Variants in SULF1 observed in about 807,000 individuals in gnomAD.
SULF1 encodes extracellular sulfatase Sulf-1.
In SULF1, 46 loss-of-function variants were observed where a neutral mutation model predicts 110.5. The ratio of observed to expected loss-of-function variants is 0.42; its 90% CI spans 0.33 to 0.53. The LOEUF is 0.53. SULF1 is among the 20% of genes least tolerant of loss of function. The probability of loss-of-function intolerance (pLI) is 0.12; values close to 1 mark genes in which losing one functional copy is unlikely to be tolerated. For synonymous variants in SULF1, 371 were observed against 387.1 expected (o/e 0.96, Z 0.49); for missense variants, 941 against 1,094.2 (o/e 0.86, Z 1.98).
rs370128603 is a variant in SULF1, at chr8:69,576,124, C to G, written c.327C>G (p.Asn109Lys). 6.2e-7 allele frequency: 1 copy of G among 1,614,230 alleles called. No individual in the cohort carries two copies. Among genetic ancestry groups the G allele is most frequent in the Admixed American group, 1.7e-5 (1 of 60,034 alleles). Residue 109 changes from asparagine (N) to lysine (K), a missense_variant, in exon 6 of 23, where the codon AAC becomes AAG. Physicochemically the swap from Asn to Lys is moderately conservative, Grantham distance 94. Around this residue, in one of 3 missense-constraint regions of SULF1, gnomAD observed 822 missense variants for 934.3 expected, o/e 0.88. Transcript: ENST00000402687. ...YVHNHNVYTN[N>K]ENCSSPSWQA... ...ACAATCACAATGTCTACACCAACAA[C>G]GAGAACTGCTCTTCCCCCTCGTGGC...
At chr8:69,526,216 C>A (rs7002533) in intron 3 of SULF1, among the ~76,000 whole-genome samples, 1 of 152,036 alleles carries the variant, frequency 6.6e-6, no homozygotes, top group South Asian at 2.1e-4. Flanking sequence ...TTGAGTTCAA[C>A]GAAACCCCTC....
chr8:69,569,661 C>T (rs62513016), intron 5 of SULF1, among the ~76,000 whole-genome samples: 2,800 of 152,292 alleles, frequency 0.018, 36 homozygotes, highest in South Asian at 0.053. Flanking sequence ...TTATACCTGG[C>T]TGCCTTCACT....
At chr8:69,556,302 T>C (rs1563527350) in intron 3 of SULF1, among the ~76,000 whole-genome samples, 1 of 152,130 alleles carries the variant, frequency 6.6e-6, no homozygotes, top group Non-Finnish European at 1.5e-5. Context: ...ACAAGACTAG[T>C]CTCATCCAAT....
chr8:69,616,143 CAT>C lies in SULF1; in HGVS notation c.1378-4887_1378-4886del, dbSNP rs939280265. ...TATATAATGTGTATATATATACACA[CAT>C]ATATGTGTGTGTATATATACATATA... On this transcript the variant is annotated intron_variant, in intron 13 of 22. Transcript: ENST00000402687. Among the ~76,000 whole-genome samples the C allele has an allele frequency of 1.4e-4, 20 of 138,116 alleles. 1 individual carries two copies. Among genetic ancestry groups the C allele is most frequent in the African/African-American group, 2.4e-4 (9 of 37,378 alleles). The allele number at this position is 138,116 out of a possible 152,430, so 90.6% of individuals were successfully genotyped here. A position where few individuals can be genotyped will look rare whatever the true frequency, so the allele number is the denominator to read the frequency against.
At position 69,588,914 on chromosome 8, in the gene SULF1, G is replaced by A. The variant is rs1806666110; in HGVS notation, c.565-58G>A. On this transcript the variant is annotated intron_variant, in intron 7 of 22. Coordinates refer to ENST00000402687, the MANE Select transcript of SULF1 (RefSeq NM_001128205.2). The stretch of plus-strand genomic sequence containing the variant: ...TTCTGAGGAAAGCAGTTATTCAAAT[G>A]CGATCTGATGAATGTCACCTTTTGT... The A allele has an allele frequency of 5.9e-6, 9 of 1,537,812 alleles. No homozygotes were observed. The South Asian group carries it at 1.1e-4, about 19-fold the overall frequency.
chr8:69,540,008 A>C (rs1813754754), intron 3 of SULF1, among the ~76,000 whole-genome samples: 1 of 152,246 alleles, frequency 6.6e-6, no homozygotes, highest in Non-Finnish European at 1.5e-5. Context: ...ATTAGAAGCC[A>C]TTACAGTGAT....
At chr8:69,525,673 G>A (rs1812609136) in intron 3 of SULF1, among the ~76,000 whole-genome samples, 1 of 152,188 alleles carries the variant, frequency 6.6e-6, no homozygotes, top group African/African-American at 2.4e-5. Context: ...GACTTCATCT[G>A]AAATGACAAA....
rs372223480 is a variant in SULF1, at chr8:69,578,342, G to T, written c.412+2133G>T. ...AGATCTGACTGTTTTTTATTTATTT[G>T]TTTATTTATTTTATTTTATTATTAT... On this transcript the variant is annotated intron_variant, in intron 6 of 22. Coordinates refer to ENST00000402687, the MANE Select transcript of SULF1 (RefSeq NM_001128205.2). Among the ~76,000 whole-genome samples the T allele has an allele frequency of 1.4e-4, 22 of 152,156 alleles. No individual in the cohort carries two copies. In the East Asian group the frequency reaches 3.1e-3, roughly 21 times the overall value.
intron 8 of SULF1, among the ~76,000 whole-genome samples, chr8:69,591,117 G>C (rs866213496): frequency 6.6e-6 from 1 of 152,140 alleles, no homozygotes; most frequent in African/African-American, 2.4e-5. Flanking sequence ...GCCTGCCTTT[G>C]AAGCTTTGAG....
chr8:69,523,506 T>C (rs748486905), intron 3 of SULF1, among the ~76,000 whole-genome samples: 1 of 152,080 alleles, frequency 6.6e-6, no homozygotes, highest in Non-Finnish European at 1.5e-5. Flanking sequence ...TTTAGGGGAT[T>C]CTATGTTCTT....
intron 22 of SULF1, among the ~76,000 whole-genome samples, chr8:69,651,731 T>A (rs1812359354): frequency 6.6e-6 from 1 of 152,204 alleles, no homozygotes; most frequent in Non-Finnish European, 1.5e-5. Flanking sequence ...CATTGTGTGT[T>A]GCTTTCGTAA....
chr8:69,589,236 G>A lies in SULF1; in HGVS notation c.734+95G>A, dbSNP rs1199295006. 3.3e-6 allele frequency: 4 copies of A among 1,221,730 alleles called. No individual in the cohort carries two copies. The South Asian group carries it at 6.3e-5, about 19-fold the overall frequency. 75.7% of individuals were successfully genotyped at this position (1,221,730 alleles called of 1,614,324 possible). A position where few individuals can be genotyped will look rare whatever the true frequency, so the allele number is the denominator to read the frequency against. ...CCTTTACCCCGTTTCCTTCCACCCT[G>A]CGTATCCACAAGGCTTTCTTCATGA... is the stretch of plus-strand genomic sequence containing the variant. On this transcript the variant is annotated intron_variant, in intron 8 of 22. Coordinates refer to ENST00000402687, the MANE Select transcript of SULF1 (RefSeq NM_001128205.2).
intron 1 of SULF1, among the ~76,000 whole-genome samples, chr8:69,485,547 C>G (rs562477344): frequency 1.2e-4 from 18 of 152,318 alleles, no homozygotes; most frequent in African/African-American, 3.6e-4. Context: ...ATGCACCTGC[C>G]AGCCCCAGAC....
chr8:69,569,666 T>C lies in SULF1; in HGVS notation c.172+5519T>C, dbSNP rs1805083248. 1.3e-5 allele frequency among the ~76,000 whole-genome samples: 2 copies of C among 152,226 alleles called. 1 individual carries two copies. The highest frequency in any genetic ancestry group is 4.1e-4 in the South Asian group (2 of 4,832). ...CTGACTTTTCTTATACCTGGCTGCC[T>C]TCACTTGCCTACCTTATCTATGTAG... On this transcript the variant is annotated intron_variant, in intron 5 of 22. Transcript: ENST00000402687.
chr8:69,527,342 G>A lies in SULF1; in HGVS notation c.-134+25374G>A, dbSNP rs1277941911. ...AGATTCCTCCCTACAAAGTCTTGTA[G>A]TAGAAACCAAAATAATACAAAAACC... On this transcript the variant is annotated intron_variant, in intron 3 of 22. Coordinates refer to ENST00000402687, the MANE Select transcript of SULF1 (RefSeq NM_001128205.2). Among the ~76,000 whole-genome samples the A allele has an allele frequency of 2.0e-5, 3 of 152,072 alleles. No homozygotes were observed. The East Asian group carries it at 5.8e-4, about 29-fold the overall frequency.
intron 22 of SULF1, among the ~76,000 whole-genome samples, chr8:69,643,250 C>T (rs893612837): frequency 6.6e-6 from 1 of 152,148 alleles, no homozygotes; most frequent in Non-Finnish European, 1.5e-5. Flanking sequence ...CTCCTTGTAT[C>T]TTATTGGATT....
intron 6 of SULF1, among the ~76,000 whole-genome samples, chr8:69,579,564 C>CACA (rs1486626075): frequency 8.6e-5 from 9 of 105,072 alleles, no homozygotes; most frequent in Middle Eastern, 4.4e-3. Context: ...CACACACACA[C>CACA]AAAAAAAAAA....
intron 19 of SULF1, among the ~76,000 whole-genome samples, chr8:69,633,057 C>T (rs1268742395): frequency 6.6e-6 from 1 of 150,880 alleles, no homozygotes; most frequent in Non-Finnish European, 1.5e-5. Flanking sequence ...AAAGAAAATA[C>T]ACAAAATAGA....
intron 1 of SULF1, among the ~76,000 whole-genome samples, chr8:69,484,274 C>G (rs894446954): frequency 6.6e-6 from 1 of 151,956 alleles, no homozygotes; most frequent in African/African-American, 2.4e-5. Context: ...AAAAAATAGA[C>G]CCTCCTTCTT....
Sources: allele counts gnomAD v4.1 joint callset (sites outside exome capture counted in the v4.1 genomes callset), GRCh38; gene constraint gnomAD v4.1.1; regional missense constraint gnomAD v4.1.1; transcripts MANE v1.5; gene names NCBI Gene and HGNC (gene_info 2026-07-23, HGNC 2026-07-21).